Variants in KIAA1549L observed in about 807,000 individuals in gnomAD.
The protein encoded by KIAA1549L is UPF0606 protein KIAA1549L.
A neutral mutation model predicts 160.7 loss-of-function variants in KIAA1549L; 88 were observed. That is an observed-to-expected ratio of 0.55 (90% CI 0.46 to 0.65). The LOEUF is 0.65. Ranked by LOEUF, KIAA1549L falls within the 30% of genes least tolerant of loss-of-function variation. The pLI is 0.00. For missense variants in KIAA1549L, 2,258 were observed against 2,437.5 expected (o/e 0.93, Z 1.55); for synonymous variants, 950 against 976.7 (o/e 0.97, Z 0.51).
intron 4 of KIAA1549L, among the ~76,000 whole-genome samples, chr11:33,550,652 A>T (rs1367440863): frequency 6.6e-6 from 1 of 152,210 alleles, no homozygotes. Context: ...TCTACCTTTT[A>T]ATTCTCATAA....
chr11:33,586,635 G>T (rs7929150), intron 11 of KIAA1549L, among the ~76,000 whole-genome samples: 1 of 151,984 alleles, frequency 6.6e-6, no homozygotes, highest in Non-Finnish European at 1.5e-5. Context: ...AGCTTGGAGG[G>T]TCTGTAATCT....
At chr11:33,391,603 C>A (rs767002222) in intron 1 of KIAA1549L, among the ~76,000 whole-genome samples, 1 of 152,180 alleles carries the variant, frequency 6.6e-6, no homozygotes, top group Non-Finnish European at 1.5e-5. Context: ...GAGAAGGAGA[C>A]TGGGAGTCTT....
chr11:33,512,807 C>T (rs770076987), intron 1 of KIAA1549L, among the ~76,000 whole-genome samples: 9 of 152,084 alleles, frequency 5.9e-5, no homozygotes, highest in South Asian at 4.2e-4. Flanking sequence ...AGTTCCTAGG[C>T]GACAACACTG....
intron 6 of KIAA1549L, among the ~76,000 whole-genome samples, chr11:33,554,696 A>T (rs1296448321): frequency 6.6e-6 from 1 of 152,118 alleles, no homozygotes; most frequent in Non-Finnish European, 1.5e-5. Context: ...TGGGCCAAGG[A>T]GGTTAAATGT....
At chr11:33,477,507 G>GCACGCGCGCACACA (rs374982374) in intron 1 of KIAA1549L, among the ~76,000 whole-genome samples, 6 of 131,738 alleles carry the variant, frequency 4.6e-5, no homozygotes, top group African/African-American at 2.2e-4. Flanking sequence ...GCAGGTGCAC[G>GCACGCGCGCACACA]CACACACACA....
chr11:33,421,167 G>T (rs1395701062), intron 1 of KIAA1549L, among the ~76,000 whole-genome samples: 1 of 144,942 alleles, frequency 6.9e-6, no homozygotes, highest in Non-Finnish European at 1.5e-5. Flanking sequence ...CTGCTTCACT[G>T]CTCTTCTCAC....
chr11:33,671,959 G>A lies in KIAA1549L; in HGVS notation c.*3805G>A, dbSNP rs1852685489. ...GGAGTAGGGACTGACTGGGGTCTAAGTGTTGGAAATTAAATTCTGCCATTC... is the reference window on the plus strand; with the variant it reads ...GGAGTAGGGACTGACTGGGGTCTAAATGTTGGAAATTAAATTCTGCCATTC... On this transcript the variant is annotated 3_prime_UTR_variant, in exon 21 of 21. Coordinates refer to ENST00000658780, the MANE Select transcript of KIAA1549L (RefSeq NM_012194.3). 1.3e-5 allele frequency: 2 copies of A among 151,886 alleles called. No homozygotes were observed. Among genetic ancestry groups the A allele is most frequent in the African/African-American group, 4.8e-5 (2 of 41,322 alleles). 9.4% of individuals were successfully genotyped at this position (151,886 alleles called of 1,614,324 possible).
intron 1 of KIAA1549L, among the ~76,000 whole-genome samples, chr11:33,435,816 G>GTGTGTGTGTGTATATATATATATATATA (rs1554976827): frequency 6.1e-4 from 24 of 39,552 alleles, no homozygotes; most frequent in African/African-American, 3.9e-3. Flanking sequence ...ATATATGTGT[G>GTGTGTGTGTGTATATATATATATATATA]TGTATATATA....
intron 1 of KIAA1549L, among the ~76,000 whole-genome samples, chr11:33,383,469 G>A (rs1850113780): frequency 6.6e-6 from 1 of 152,148 alleles, no homozygotes; most frequent in Non-Finnish European, 1.5e-5. Flanking sequence ...CAGGACCAAA[G>A]GAGCAGTTAG....
chr11:33,558,661 T>A (rs1854730453), intron 6 of KIAA1549L, among the ~76,000 whole-genome samples: 1 of 152,152 alleles, frequency 6.6e-6, no homozygotes, highest in African/African-American at 2.4e-5. Flanking sequence ...TGTTCATACA[T>A]TGACCCAGAA....
chr11:33,407,035 T>A (rs2134078732), intron 1 of KIAA1549L, among the ~76,000 whole-genome samples: 1 of 152,052 alleles, frequency 6.6e-6, no homozygotes, highest in South Asian at 2.1e-4. Flanking sequence ...CTGTTCTTCA[T>A]AGGTCTATCT....
intron 6 of KIAA1549L, among the ~76,000 whole-genome samples, chr11:33,556,255 C>G (rs1358623707): frequency 6.6e-6 from 1 of 152,130 alleles, no homozygotes; most frequent in Non-Finnish European, 1.5e-5. Flanking sequence ...ATGGTGGTTT[C>G]TTAAATAACT....
At chr11:33,631,273 C>G (rs1259968113) in intron 16 of KIAA1549L, among the ~76,000 whole-genome samples, 2 of 152,222 alleles carry the variant, frequency 1.3e-5, no homozygotes, top group Non-Finnish European at 2.9e-5. Flanking sequence ...GCCCTTCTAG[C>G]TGACGCGTGT....
At chr11:33,419,909 T>TACATAC (rs1565128946) in intron 1 of KIAA1549L, among the ~76,000 whole-genome samples, 13 of 47,970 alleles carry the variant, frequency 2.7e-4, no homozygotes, top group East Asian at 7.4e-4. Flanking sequence ...TACATACATA[T>TACATAC]ATATATATGA....
At chr11:33,633,564 G>T (rs4755778) in intron 16 of KIAA1549L, among the ~76,000 whole-genome samples, 98,669 of 151,874 alleles carry the variant, frequency 0.65, 32,276 homozygotes, top group African/African-American at 0.73. Context: ...TCCTCCCAGT[G>T]TCCTCGCTCC....
chr11:33,545,089 C>A lies in KIAA1549L; in HGVS notation c.3096C>A (p.Ala1032=). The A allele has an allele frequency of 1.2e-6, 2 of 1,614,006 alleles. No individual in the cohort carries two copies. The highest frequency in any genetic ancestry group is 1.7e-6 in the Non-Finnish European group (2 of 1,179,890). The part of the protein sequence containing the change: ...HTAMQGNMDT[A]SGLLSTTYLP... ...CCATGCAAGGAAACATGGACACTGCCTCTGGCCTGTTGTCTACAACTTACC... is the reference window on the plus strand; with the variant it reads ...CCATGCAAGGAAACATGGACACTGCATCTGGCCTGTTGTCTACAACTTACC... Residue 1032 remains alanine, a synonymous_variant, in exon 3 of 21, where the codon GCC becomes GCA. Transcript: ENST00000658780.
intron 11 of KIAA1549L, among the ~76,000 whole-genome samples, chr11:33,586,383 C>T: frequency 6.6e-6 from 1 of 151,956 alleles, no homozygotes. Context: ...CATGGACTAC[C>T]CCATTCCCAT....
intron 1 of KIAA1549L, among the ~76,000 whole-genome samples, chr11:33,513,415 C>T (rs1565164856): frequency 1.3e-5 from 2 of 152,086 alleles, no homozygotes; most frequent in African/African-American, 2.4e-5. Flanking sequence ...TACATCGTGG[C>T]ATGTAGATCC....
chr11:33,565,742 G>T (rs2133228670), intron 8 of KIAA1549L, among the ~76,000 whole-genome samples: 1 of 151,356 alleles, frequency 6.6e-6, no homozygotes, highest in East Asian at 2.0e-4. Flanking sequence ...TATTGGCTGG[G>T]TGTGTTGGCT....
Sources: allele counts gnomAD v4.1 joint callset (sites outside exome capture counted in the v4.1 genomes callset), GRCh38; gene constraint gnomAD v4.1.1; transcripts MANE v1.5; gene names NCBI Gene and HGNC (gene_info 2026-07-23, HGNC 2026-07-21).